Variants in RBFOX1 observed in about 807,000 individuals in gnomAD.
The protein encoded by RBFOX1 is RNA binding protein fox-1 homolog 1.
RBFOX1 carries 8 observed loss-of-function variants against 57.7 expected under a neutral mutation model. The ratio of observed to expected loss-of-function variants is 0.14; its 90% CI spans 0.08 to 0.25. The LOEUF is 0.25. RBFOX1 is among the 10% of genes least tolerant of loss of function. The pLI is 1.00. For synonymous variants in RBFOX1, 326 were observed against 222.4 expected (o/e 1.47, Z -4.15); for missense variants, 611 against 548.5 (o/e 1.11, Z -1.14).
At chr16:6,522,448 A>G (rs1490963125) in intron 2 of RBFOX1, among the ~76,000 whole-genome samples, 2 of 152,098 alleles carry the variant, frequency 1.3e-5, no homozygotes, top group African/African-American at 4.8e-5. Context: ...TTTTTGAAAG[A>G]TATTTATGAA....
intron 3 of RBFOX1, among the ~76,000 whole-genome samples, chr16:5,866,550 C>T (rs993442510): frequency 6.6e-6 from 1 of 152,166 alleles, no homozygotes; most frequent in Non-Finnish European, 1.5e-5. Flanking sequence ...AGATAGGAGA[C>T]CCTTTCTAGG....
At chr16:5,406,613 C>G (rs1429319544) in intron 1 of RBFOX1, among the ~76,000 whole-genome samples, 3 of 152,044 alleles carry the variant, frequency 2.0e-5, no homozygotes, top group Non-Finnish European at 4.4e-5. Context: ...TATATATTCA[C>G]ACACACGTGT....
At chr16:6,932,413 A>G (rs1366596094) in intron 3 of RBFOX1, among the ~76,000 whole-genome samples, 1 of 152,078 alleles carries the variant, frequency 6.6e-6, no homozygotes, top group African/African-American at 2.4e-5. Flanking sequence ...AGCCCAGATC[A>G]TCTCCTAAAG....
chr16:6,518,364 G>A (rs535366036), intron 2 of RBFOX1, among the ~76,000 whole-genome samples: 41 of 152,158 alleles, frequency 2.7e-4, no homozygotes, highest in Non-Finnish European at 4.0e-4. Flanking sequence ...ATGGCTCAAG[G>A]CTTTCTGTGG....
chr16:6,451,189 CTTTTATTT>C (rs1384668073), intron 2 of RBFOX1, among the ~76,000 whole-genome samples: 6 of 151,744 alleles, frequency 4.0e-5, no homozygotes, highest in Non-Finnish European at 5.9e-5. Context: ...ACCTATTATT[CTTTTATTT>C]TTTTATTTTT....
intron 2 of RBFOX1, among the ~76,000 whole-genome samples, chr16:6,607,555 C>T (rs1263131603): frequency 1.4e-5 from 2 of 146,650 alleles, no homozygotes; most frequent in Non-Finnish European, 3.0e-5. Flanking sequence ...CCTCCTCTTT[C>T]CCTCTTCCTC....
At chr16:6,519,609 G>C (rs758918171) in intron 2 of RBFOX1, among the ~76,000 whole-genome samples, 41 of 152,172 alleles carry the variant, frequency 2.7e-4, no homozygotes, top group Admixed American at 4.6e-4. Flanking sequence ...GCTGAGGCCA[G>C]AGAATTGCTT....
At chr16:7,706,320 G>A (rs538473413) in intron 14 of RBFOX1, among the ~76,000 whole-genome samples, 1 of 152,326 alleles carries the variant, frequency 6.6e-6, no homozygotes, top group South Asian at 2.1e-4. Flanking sequence ...ACCCTGAAGA[G>A]AAAAGGAGGC....
chr16:6,423,374 A>G (rs1443680312), intron 2 of RBFOX1, among the ~76,000 whole-genome samples: 4 of 152,016 alleles, frequency 2.6e-5, no homozygotes, highest in Admixed American at 2.6e-4. Flanking sequence ...CGAGGCAGGC[A>G]GATCACCTGA....
At chr16:7,582,162 G>T (rs927645954) in intron 6 of RBFOX1, among the ~76,000 whole-genome samples, 1 of 151,924 alleles carries the variant, frequency 6.6e-6, no homozygotes, top group African/African-American at 2.4e-5. Flanking sequence ...TGACTAGCTG[G>T]GACTACATGC....
At chr16:7,370,598 T>C (rs947716838) in intron 4 of RBFOX1, among the ~76,000 whole-genome samples, 2 of 152,210 alleles carry the variant, frequency 1.3e-5, no homozygotes, top group African/African-American at 2.4e-5. Context: ...GCAGAGTTGA[T>C]AGCATGCATT....
At chr16:5,252,978 T>C (rs1483829486) in intron 1 of RBFOX1, among the ~76,000 whole-genome samples, 1 of 152,138 alleles carries the variant, frequency 6.6e-6, no homozygotes, top group Non-Finnish European at 1.5e-5. Flanking sequence ...CAGCCAATTG[T>C]CTTGGATCCA....
intron 1 of RBFOX1, among the ~76,000 whole-genome samples, chr16:5,308,336 AAAG>A (rs1452931612): frequency 5.9e-5 from 1 of 16,944 alleles, no homozygotes; most frequent in African/African-American, 2.3e-4. Flanking sequence ...AAAAAAAAAA[AAAG>A]AACAAAGAAA....
At chr16:6,368,176 T>G (rs1050366192) in intron 2 of RBFOX1, among the ~76,000 whole-genome samples, 1 of 152,216 alleles carries the variant, frequency 6.6e-6, no homozygotes, top group Admixed American at 6.5e-5. Context: ...TTCAAGGGAT[T>G]ATGCATATGA....
intron 3 of RBFOX1, among the ~76,000 whole-genome samples, chr16:6,867,867 T>G (rs1406298601): frequency 6.6e-6 from 1 of 152,200 alleles, no homozygotes; most frequent in Non-Finnish European, 1.5e-5. Flanking sequence ...TGTCCCAGTT[T>G]CAACGATGTA....
At chr16:5,831,641 C>G (rs574091784) in intron 3 of RBFOX1, among the ~76,000 whole-genome samples, 127 of 152,048 alleles carry the variant, frequency 8.4e-4, no homozygotes, top group African/African-American at 2.8e-3. Context: ...AGGTGCCCAC[C>G]ACCACGCCTG....
intron 2 of RBFOX1, among the ~76,000 whole-genome samples, chr16:5,546,148 A>G (rs2045195838): frequency 6.6e-6 from 1 of 152,220 alleles, no homozygotes; most frequent in African/African-American, 2.4e-5. Flanking sequence ...TGAAAATTAC[A>G]ATATATTAAT....
intron 2 of RBFOX1, among the ~76,000 whole-genome samples, chr16:6,365,386 GGATGGATGAGTA>G (rs1251517870): frequency 6.6e-6 from 1 of 151,864 alleles, no homozygotes; most frequent in Non-Finnish European, 1.5e-5. Context: ...GTGGATAGGT[GGATGGATGAGTA>G]GATGGATGGA....
intron 1 of RBFOX1, among the ~76,000 whole-genome samples, chr16:6,181,483 G>C (rs1202029373): frequency 6.6e-6 from 1 of 152,196 alleles, no homozygotes; most frequent in Admixed American, 6.5e-5. Flanking sequence ...GCTATTTGGA[G>C]AGAGGAATGT....
Sources: gnomAD v4.1 joint callset for allele counts (sites outside exome capture counted in the v4.1 genomes callset) on GRCh38, gnomAD v4.1.1 for gene constraint, MANE v1.5 for transcripts, NCBI Gene and HGNC (gene_info 2026-07-23, HGNC 2026-07-21) for gene names.